The following PASD1 variants were observed in gnomAD, a reference collection of about 807,000 sequenced individuals.
PASD1 encodes PAS domain containing repressor 1, also known as circadian clock protein PASD1.
Under a neutral mutation model 58.8 loss-of-function variants are expected in PASD1, and 13 were observed. The observed-to-expected ratio is 0.22, with a 90% confidence interval of 0.14 to 0.35. The LOEUF (loss-of-function observed/expected upper bound fraction) is 0.35. Ranked by LOEUF, PASD1 falls within the 10% of genes least tolerant of loss-of-function variation. The pLI, the probability that PASD1 is intolerant of heterozygous loss-of-function variation, is 1.00. For synonymous variants in PASD1, 236 were observed against 216.7 expected (o/e 1.09, Z -0.78); for missense variants, 734 against 568.3 (o/e 1.29, Z -2.96).
rs2014421598 is a variant in PASD1 at position 151,668,835 on chromosome X, G to A, written c.1072-2203G>A. 3.7e-5 allele frequency among the ~76,000 whole-genome samples: 4 copies of A among 108,579 alleles called. No individual in the cohort carries two copies. The South Asian group carries it at 1.6e-3, about 44-fold the overall frequency. 94.3% of individuals were successfully genotyped at this position (108,579 alleles called of 115,157 possible). On this transcript the variant is annotated intron_variant, in intron 11 of 15. Coordinates refer to ENST00000370357, the MANE Select transcript of PASD1 (RefSeq NM_173493.3). The stretch of plus-strand genomic sequence containing the variant: ...ACTATTCCAATCAATAGAAAAAGAG[G>A]GAATCCTACCTAACTCGTTTTATGA...
rs190751154 is a variant in PASD1, at chrX:151,630,556, G to A, written c.629+5026G>A. Among the ~76,000 whole-genome samples the A allele has an allele frequency of 5.5e-3, 620 of 112,286 alleles. 4 individuals are homozygous for A. The highest frequency in any genetic ancestry group is 0.019 in the African/African-American group (590 of 30,935). Reference sequence around the variant, plus strand: ...TCCCCATGATATTTTCAATTAAAAAGGAGAAGAGATTGCATCATATCAGGG... The same window carrying A: ...TCCCCATGATATTTTCAATTAAAAAAGAGAAGAGATTGCATCATATCAGGG... On this transcript the variant is annotated intron_variant, in intron 8 of 15. Coordinates refer to ENST00000370357, the MANE Select transcript of PASD1 (RefSeq NM_173493.3).
intron 8 of PASD1, among the ~76,000 whole-genome samples, chrX:151,637,582 G>A (rs1206531279): frequency 9.0e-6 from 1 of 110,978 alleles, no homozygotes; most frequent in Non-Finnish European, 1.9e-5. Context: ...CACCATGTTG[G>A]TCTCAACCTC....
intron 1 of PASD1, among the ~76,000 whole-genome samples, chrX:151,573,751 A>G (rs1347363713): frequency 1.8e-5 from 2 of 111,992 alleles, no homozygotes; most frequent in Non-Finnish European, 3.8e-5. Flanking sequence ...ATGAAGAGTG[A>G]GTGTCTGGAT....
intron 3 of PASD1, 49 bp downstream of exon 3, chrX:151,604,783 A>G: frequency 1.0e-6 from 1 of 960,896 alleles, no homozygotes; most frequent in Non-Finnish European, 1.5e-6. Flanking sequence ...AATACATGTA[A>G]TAGAAGACAA....
intron 8 of PASD1, among the ~76,000 whole-genome samples, chrX:151,637,455 C>T (rs896592606): frequency 9.0e-6 from 1 of 111,542 alleles, no homozygotes; most frequent in Non-Finnish European, 1.9e-5. Flanking sequence ...CGGCTCACTG[C>T]AACCTGTGCC....
intron 9 of PASD1, among the ~76,000 whole-genome samples, chrX:151,652,550 A>AC (rs1661830791): frequency 9.1e-6 from 1 of 109,400 alleles, no homozygotes. Flanking sequence ...AAAAAAACAA[A>AC]AAACAAACAA....
chrX:151,609,775 T>C (rs1416081947), intron 3 of PASD1, among the ~76,000 whole-genome samples: 1 of 106,125 alleles, frequency 9.4e-6, no homozygotes, highest in East Asian at 2.8e-4. Flanking sequence ...GGTGTACACA[T>C]ACCTGTTTGA....
chrX:151,577,674 G>A (rs374557378), intron 1 of PASD1, among the ~76,000 whole-genome samples: 1 of 111,447 alleles, frequency 9.0e-6, no homozygotes, highest in Non-Finnish European at 1.9e-5. Flanking sequence ...ACAGGCATCC[G>A]CCACCACGCC....
At chrX:151,585,133 A>G (rs773031163) in intron 1 of PASD1, among the ~76,000 whole-genome samples, 13 of 111,774 alleles carry the variant, frequency 1.2e-4, no homozygotes, top group Admixed American at 1.1e-3. Flanking sequence ...GGCAAGGTTT[A>G]GTAGGGGTAA....
intron 1 of PASD1, among the ~76,000 whole-genome samples, chrX:151,576,787 T>C (rs2013014225): frequency 8.9e-6 from 1 of 112,350 alleles, no homozygotes; most frequent in Non-Finnish European, 1.9e-5. Flanking sequence ...TATGTTTATA[T>C]AGATATTATA....
chrX:151,613,256 C>T (rs1280200286), intron 4 of PASD1, among the ~76,000 whole-genome samples: 1 of 111,117 alleles, frequency 9.0e-6, no homozygotes, highest in Admixed American at 9.5e-5. Context: ...TAGTATGATG[C>T]CTCCAGCTTT....
chrX:151,579,853 A>G (rs925931999), intron 1 of PASD1, among the ~76,000 whole-genome samples: 6 of 111,803 alleles, frequency 5.4e-5, no homozygotes, highest in Non-Finnish European at 9.4e-5. Context: ...TTGAAATATA[A>G]TGGGTGAAAA....
chrX:151,640,177 G>A (rs1254710192), intron 8 of PASD1, among the ~76,000 whole-genome samples: 1 of 111,457 alleles, frequency 9.0e-6, no homozygotes, highest in African/African-American at 3.3e-5. Context: ...CAAAACCTTA[G>A]CATGAACATA....
chrX:151,654,006 G>A (rs1022458897), intron 9 of PASD1, among the ~76,000 whole-genome samples: 1 of 95,054 alleles, frequency 1.1e-5, no homozygotes, highest in South Asian at 5.6e-4. Context: ...GTCTCTCACT[G>A]TGTTGCCCAG....
At chrX:151,651,737 T>G (rs2014131175) in intron 9 of PASD1, among the ~76,000 whole-genome samples, 1 of 112,302 alleles carries the variant, frequency 8.9e-6, no homozygotes, top group Non-Finnish European at 1.9e-5. Context: ...AGCTTCCTAT[T>G]TGTGCATTTT....
intron 4 of PASD1, among the ~76,000 whole-genome samples, chrX:151,617,281 C>A (rs1017600335): frequency 3.6e-5 from 4 of 111,018 alleles, no homozygotes; most frequent in African/African-American, 1.3e-4. Flanking sequence ...AACTAAGGAA[C>A]AAGGCCACTG....
intron 1 of PASD1, among the ~76,000 whole-genome samples, chrX:151,568,821 T>C (rs2012884972): frequency 8.9e-6 from 1 of 111,764 alleles, no homozygotes; most frequent in Non-Finnish European, 1.9e-5. Context: ...TCACCGAATA[T>C]ATGGGTGAGC....
intron 11 of PASD1, 102 bp downstream of exon 11, chrX:151,664,450 G>C: frequency 8.9e-7 from 1 of 1,119,389 alleles, no homozygotes; most frequent in South Asian, 2.1e-5. Flanking sequence ...TTCACAGAAA[G>C]TATGTTTGTT....
chrX:151,564,395 T>C (rs1472484150), intron 1 of PASD1, among the ~76,000 whole-genome samples: 1 of 111,738 alleles, frequency 8.9e-6, no homozygotes, highest in Non-Finnish European at 1.9e-5. Flanking sequence ...AGTAGCGGCT[T>C]TTCAAAGGAT....
Sources: allele counts gnomAD v4.1 joint callset (sites outside exome capture counted in the v4.1 genomes callset), GRCh38; gene constraint gnomAD v4.1.1; transcripts MANE v1.5; gene names NCBI Gene and HGNC (gene_info 2026-07-23, HGNC 2026-07-21).